The following DIP2C variants were observed in gnomAD, a reference collection of about 807,000 sequenced individuals.
DIP2C encodes disco-interacting protein 2 homolog C.
DIP2C carries 33 observed loss-of-function variants against 192.4 expected under a neutral mutation model. The observed-to-expected ratio is 0.17, with a 90% CI of 0.13 to 0.23. The LOEUF (loss-of-function observed/expected upper bound fraction) is 0.23, where lower values mean the gene tolerates loss of function less well. DIP2C is among the 10% of genes least tolerant of loss of function. The pLI is 1.00. For missense variants in DIP2C, 1,537 were observed against 2,110.1 expected, an observed-to-expected ratio of 0.73 and a Z score of 5.32; for synonymous variants, 979 against 864.1, an observed-to-expected ratio of 1.13 and a Z score of -2.33.
intron 1 of DIP2C, chr10:662,879 C>CT (rs1187083039): frequency 2.8e-6 from 2 of 717,488 alleles, no homozygotes; most frequent in African/African-American, 1.7e-5. Context: ...CAGCAGCAGC[C>CT]TAGCCCCACG....
At chr10:583,911 T>G (rs1850815237) in intron 1 of DIP2C, among the ~76,000 whole-genome samples, 1 of 152,030 alleles carries the variant, frequency 6.6e-6, no homozygotes, top group African/African-American at 2.4e-5. Context: ...TGCCTAGAGA[T>G]CGCCTGTAAT....
chr10:415,395 CAGG>C (rs922245696), intron 7 of DIP2C, among the ~76,000 whole-genome samples: 2 of 152,156 alleles, frequency 1.3e-5, no homozygotes, highest in Admixed American at 6.5e-5. Flanking sequence ...GGAGAGGCAG[CAGG>C]AGGAGGGAGG....
At chr10:367,804 C>G (rs1398511387) in intron 18 of DIP2C, among the ~76,000 whole-genome samples, 2 of 152,244 alleles carry the variant, frequency 1.3e-5, no homozygotes, top group African/African-American at 2.4e-5. Flanking sequence ...ATAAAACATG[C>G]GTATGTACGC....
intron 1 of DIP2C, among the ~76,000 whole-genome samples, chr10:561,845 A>G (rs910656056): frequency 3.3e-5 from 5 of 152,214 alleles, no homozygotes; most frequent in African/African-American, 1.2e-4. Context: ...TCCTCCTTAG[A>G]TACTGACAAT....
chr10:335,283 T>C (rs1284527139), intron 29 of DIP2C, among the ~76,000 whole-genome samples: 1 of 152,216 alleles, frequency 6.6e-6, no homozygotes, highest in African/African-American at 2.4e-5. Context: ...TTCTCTCTCC[T>C]TGGATTATCT....
chr10:606,396 G>C (rs938354667), intron 1 of DIP2C, among the ~76,000 whole-genome samples: 45 of 147,448 alleles, frequency 3.1e-4, no homozygotes, highest in African/African-American at 1.0e-3. Flanking sequence ...TCACGGCCCC[G>C]CTGCCGTAAT....
At chr10:385,215 A>G (rs542257798) in intron 14 of DIP2C, among the ~76,000 whole-genome samples, 1 of 152,088 alleles carries the variant, frequency 6.6e-6, no homozygotes, top group Non-Finnish European at 1.5e-5. Flanking sequence ...CTGGAGGAGG[A>G]GCGGTCGCAC....
chr10:501,670 C>G (rs528067474), intron 1 of DIP2C, among the ~76,000 whole-genome samples: 16 of 152,156 alleles, frequency 1.1e-4, no homozygotes, highest in Admixed American at 9.8e-4. Flanking sequence ...GCAGTCCAGA[C>G]AGGCAAAAGG....
At chr10:389,956 C>T (rs984453531) in intron 13 of DIP2C, 35 bp downstream of exon 13, 1 of 1,560,126 alleles carries the variant, frequency 6.4e-7, no homozygotes, top group Non-Finnish European at 8.8e-7. Context: ...CCGGTTAGAA[C>T]CAGGGTCCCA....
In DIP2C at chr10:410,246, C is replaced by T. The variant is rs539943318; in HGVS notation, c.1058-1229G>A. Reference sequence around the variant, plus strand: ...TTGTTCTGGTTCCTAGGACACTTCCCGGTCATACTACGTGCTCAGCAAATG... The same window carrying T: ...TTGTTCTGGTTCCTAGGACACTTCCTGGTCATACTACGTGCTCAGCAAATG... On this transcript the variant is annotated intron_variant, in intron 8 of 36. Coordinates refer to ENST00000280886, the MANE Select transcript of DIP2C (RefSeq NM_014974.3). Among the ~76,000 whole-genome samples the T allele has an allele frequency of 2.4e-4, 36 of 152,302 alleles. No homozygotes were observed. In the South Asian group the frequency reaches 6.2e-3, roughly 26 times the overall value.
At chr10:368,445 C>A (rs906046657) in intron 18 of DIP2C, among the ~76,000 whole-genome samples, 3 of 152,200 alleles carry the variant, frequency 2.0e-5, no homozygotes, top group African/African-American at 7.2e-5. Context: ...GACACAGGGG[C>A]TAGAGGGCTG....
At chr10:658,006 A>C (rs1451506945) in intron 1 of DIP2C, among the ~76,000 whole-genome samples, 278 of 69,154 alleles carry the variant, frequency 4.0e-3, no homozygotes, top group African/African-American at 5.2e-3. Context: ...ACTGGACCTG[A>C]CCCTGGACCT....
chr10:603,028 G>A (rs889346720), intron 1 of DIP2C, among the ~76,000 whole-genome samples: 3 of 152,080 alleles, frequency 2.0e-5, no homozygotes, highest in South Asian at 2.1e-4. Flanking sequence ...TCCACCCTAC[G>A]TCTTATAAAA....
At chr10:465,984 A>G (rs1970167860) in intron 3 of DIP2C, among the ~76,000 whole-genome samples, 2 of 152,196 alleles carry the variant, frequency 1.3e-5, no homozygotes, top group Admixed American at 1.3e-4. Flanking sequence ...TACAGATTCA[A>G]TGACATCCCC....
In DIP2C at chr10:496,502, C is replaced by A. The variant is rs185650906; in HGVS notation, c.86-9972G>T. On this transcript the variant is annotated intron_variant, in intron 1 of 36. Coordinates refer to ENST00000280886, the MANE Select transcript of DIP2C (RefSeq NM_014974.3). ...GTGCACAGAACCCACAGTGCCCTCCCGTGTACTTAAAATCTCTACATTACT... is the reference window on the plus strand; with the variant it reads ...GTGCACAGAACCCACAGTGCCCTCCAGTGTACTTAAAATCTCTACATTACT... 1.2e-3 allele frequency among the ~76,000 whole-genome samples: 187 copies of A among 151,090 alleles called. 1 individual carries two copies. The highest frequency in any genetic ancestry group is 6.3e-4 in the Non-Finnish European group (43 of 67,840).
intron 1 of DIP2C, among the ~76,000 whole-genome samples, chr10:532,751 G>GGGTGTGAGAGAGAGTATA (rs1847484834): frequency 7.5e-6 from 1 of 133,324 alleles, no homozygotes; most frequent in Non-Finnish European, 1.7e-5. Flanking sequence ...GAGAGAGTAT[G>GGGTGTGAGAGAGAGTATA]GGTGTGTGAG....
chr10:293,125 G>A (rs1193919827), intron 32 of DIP2C, among the ~76,000 whole-genome samples: 3 of 152,258 alleles, frequency 2.0e-5, no homozygotes, highest in Non-Finnish European at 4.4e-5. Flanking sequence ...TGATGCAGAT[G>A]TCAGCAGAGC....
rs560998516 is a variant in DIP2C, at chr10:375,712, C to G, written c.1992-6079G>C. ...CTCCTGACCACAAGCAGAGCCAGGCCAGGCTTGGGACATTCACACAAAACA... is the reference window on the plus strand; with the variant it reads ...CTCCTGACCACAAGCAGAGCCAGGCGAGGCTTGGGACATTCACACAAAACA... On this transcript the variant is annotated intron_variant, in intron 17 of 36. Transcript: ENST00000280886. 6.7e-4 allele frequency among the ~76,000 whole-genome samples: 102 copies of G among 152,278 alleles called. 1 individual carries two copies. Among genetic ancestry groups the G allele is most frequent in the African/African-American group, 2.3e-3 (94 of 41,538 alleles).
At chr10:401,696 C>T (rs1244121352) in intron 9 of DIP2C, among the ~76,000 whole-genome samples, 4 of 148,534 alleles carry the variant, frequency 2.7e-5, no homozygotes, top group Admixed American at 6.7e-5. Context: ...ATTACTCTTC[C>T]TTATGGACAA....
Sources: allele counts gnomAD v4.1 joint callset (sites outside exome capture counted in the v4.1 genomes callset), GRCh38; gene constraint gnomAD v4.1.1; transcripts MANE v1.5; gene names NCBI Gene and HGNC (gene_info 2026-07-23, HGNC 2026-07-21).